The following HDAC7 variants were observed in gnomAD, a reference collection of about 807,000 sequenced individuals.
HDAC7 encodes the protein histone deacetylase 7.
In HDAC7, 26 loss-of-function variants were observed where a neutral mutation model predicts 115.5. The ratio of observed to expected loss-of-function variants is 0.23; its 90% CI spans 0.16 to 0.31. HDAC7 has a LOEUF of 0.31. Among genes scored for constraint, HDAC7 ranks in the 10% least tolerant of loss-of-function variants. The pLI is 1.00. For synonymous variants in HDAC7, 564 were observed against 550.9 expected (o/e 1.02, Z -0.33); for missense variants, 1,068 against 1,329.0 (o/e 0.80, Z 3.05).
At chr12:47,785,648 C>A in intron 23 of HDAC7, 104 bp downstream of exon 23, 1 of 1,444,278 alleles carries the variant, frequency 6.9e-7, no homozygotes, top group Non-Finnish European at 9.2e-7. Context: ...TCAGGCTTGG[C>A]CACTCCCACC....
chr12:47,819,817 C>T lies in HDAC7; in HGVS notation c.-32G>A, dbSNP rs1944972449. The T allele has an allele frequency of 1.1e-5, 2 of 177,124 alleles. No individual in the cohort carries two copies. The highest frequency in any genetic ancestry group is 2.0e-5 in the Non-Finnish European group (2 of 101,584). 11.0% of individuals were successfully genotyped at this position (177,124 alleles called of 1,614,324 possible). ...GCCGGGGCCCTCAGAGCGGGGGGCT[C>T]ATGGCGGGGCGGGGGGCTGGGGCGC... On this transcript the variant is annotated 5_prime_UTR_variant, in exon 1 of 26. It removes an upstream start codon present in the reference 5' UTR. Coordinates refer to ENST00000080059, the MANE Select transcript of HDAC7 (RefSeq NM_015401.5).
intron 2 of HDAC7, 69 bp downstream of exon 2, chr12:47,802,155 C>T (rs774312097): frequency 9.4e-6 from 14 of 1,495,250 alleles, no homozygotes; most frequent in African/African-American, 2.8e-5. Flanking sequence ...CAGCTTCTCG[C>T]GTTCTTACAG....
Position 47,797,159 on chromosome 12 carries a change from C to T in HDAC7, c.578-17G>A, listed in dbSNP as rs376415538. ...GCTCAGAGACTGCAGGGAGCACCAG[C>T]GTCACTCAGGCCCCCACCACCCTTC... On this transcript the variant is annotated splice_polypyrimidine_tract_variant and intron_variant, in intron 6 of 25. Coordinates refer to ENST00000080059, the MANE Select transcript of HDAC7 (RefSeq NM_015401.5). This position sits in a 1 kb window ranked among gnomAD's most constrained non-coding sequence, Gnocchi z 5.5. The T allele has an allele frequency of 3.2e-6, 5 of 1,576,318 alleles. No homozygotes were observed. The highest frequency in any genetic ancestry group is 2.2e-5 in the East Asian group (1 of 44,566).
At position 47,795,241 on chromosome 12, in the gene HDAC7, C is replaced by G; in HGVS notation, c.1227G>C (p.Pro409=). ...CCAGGCGGGGCTGCATGGGGCCCGG[C>G]GGTGGGGGAGCGGTGGCACTGGGGG... The part of the protein sequence containing the change: ...PLPPSATAPP[P]PGPMQPRLEQ... The change falls in exon 11 of 26, where the codon CCG becomes CCC. Residue 409 remains proline (P), a synonymous_variant. Transcript: ENST00000080059. The surrounding 1 kb of genome is among the most constrained non-coding windows in gnomAD (Gnocchi z 4.3). 5 of 1,612,338 alleles carry G rather than the reference C, an allele frequency of 3.1e-6. No homozygotes were observed. The highest frequency in any genetic ancestry group is 4.2e-6 in the Non-Finnish European group (5 of 1,179,080).
In HDAC7 at chr12:47,795,976, A is replaced by G; in HGVS notation, c.836T>C (p.Val279Ala). 6.5e-7 allele frequency: 1 copy of G among 1,550,014 alleles called. No homozygotes were observed. The highest frequency in any genetic ancestry group is 8.7e-7 in the Non-Finnish European group (1 of 1,147,274). ...CACTGTCGGCAAGGCGAACGGGGCC[A>G]CAGAAGTCTCCTGCAGCCGCAGCCG... ...GQRLRLQETSVAPFALPTVSL... is the reference protein window; with the variant it reads ...GQRLRLQETSAAPFALPTVSL... Residue 279 changes from valine to alanine, a missense_variant, in exon 9 of 26, where the codon GTG (valine) becomes GCG (alanine). Val to Ala is a moderately conservative substitution (Grantham distance 64, BLOSUM62 0). Around this residue, in one of 6 missense-constraint regions of HDAC7, gnomAD observed 618 missense variants for 701.5 expected, o/e 0.88. Transcript: ENST00000080059. This position sits in a 1 kb window ranked among gnomAD's most constrained non-coding sequence, Gnocchi z 4.3.
chr12:47,797,895 T>TGTGTGTGAGA lies in HDAC7; in HGVS notation c.461+212_461+213insTCTCACACAC, dbSNP rs35753431. Among the ~76,000 whole-genome samples, 982 of 143,428 alleles carry TGTGTGTGAGA rather than the reference T, an allele frequency of 6.8e-3. 9 individuals are homozygous for TGTGTGTGAGA. The highest frequency in any genetic ancestry group is 0.022 in the African/African-American group (819 of 36,482). 94.1% of individuals were successfully genotyped at this position (143,428 alleles called of 152,430 possible). ...GTGTGTGTGTGTGTGTGTGTGTGTG[T>TGTGTGTGAGA]GAGAAGGGCTCAGGTGGGGTGGGGA... On this transcript the variant is annotated intron_variant, in intron 5 of 25. Coordinates refer to ENST00000080059, the MANE Select transcript of HDAC7 (RefSeq NM_015401.5). The surrounding 1 kb of genome is among the most constrained non-coding windows in gnomAD (Gnocchi z 5.5).
At chr12:47,787,184 T>A (rs1408942695) in intron 21 of HDAC7, among the ~76,000 whole-genome samples, 1 of 151,968 alleles carries the variant, frequency 6.6e-6, no homozygotes, top group Non-Finnish European at 1.5e-5. Flanking sequence ...GACAACTAGG[T>A]CCTCTGAGGT....
chr12:47,789,700 C>A, intron 17 of HDAC7, 113 bp downstream of exon 17: 1 of 1,384,748 alleles, frequency 7.2e-7, no homozygotes, highest in Non-Finnish European at 1.0e-6. Flanking sequence ...CTCCAAAACC[C>A]TGTAGCAATC....
chr12:47,818,236 C>T (rs980927863), intron 1 of HDAC7, among the ~76,000 whole-genome samples: 1 of 152,122 alleles, frequency 6.6e-6, no homozygotes, highest in Non-Finnish European at 1.5e-5. Flanking sequence ...CAGGACCATT[C>T]CAGGTGCAAC....
rs750565739 is a variant in HDAC7 at position 47,787,695 on chromosome 12, G to GC, written c.2453+16dup. 6.3e-7 allele frequency: 1 copy of GC among 1,580,678 alleles called. No individual in the cohort carries two copies. Among genetic ancestry groups the GC allele is most frequent in the South Asian group, 1.1e-5 (1 of 87,616 alleles). On this transcript the variant is annotated intron_variant, in intron 21 of 25. Coordinates refer to ENST00000080059, the MANE Select transcript of HDAC7 (RefSeq NM_015401.5). The stretch of plus-strand genomic sequence containing the variant: ...GGAGAGGGTGGACTTGCCCCTCTGG[G>GC]CCCCCAGAGCACGTACCTGAAAGCA...
At chr12:47,796,804 G>A (rs1943874659) in intron 7 of HDAC7, among the ~76,000 whole-genome samples, 1 of 152,208 alleles carries the variant, frequency 6.6e-6, no homozygotes, top group South Asian at 2.1e-4. Flanking sequence ...TTTGAAGGGT[G>A]CCCCCTTTTC....
intron 12 of HDAC7, among the ~76,000 whole-genome samples, chr12:47,794,400 G>A (rs997139541): frequency 1.3e-5 from 2 of 152,234 alleles, no homozygotes; most frequent in Admixed American, 1.3e-4. Context: ...TGCTGGACAC[G>A]CTGGAGCCTG....
chr12:47,785,669 C>T (rs1424571112), intron 23 of HDAC7, 83 bp downstream of exon 23: 5 of 1,495,378 alleles, frequency 3.3e-6, no homozygotes, highest in African/African-American at 1.4e-5. Flanking sequence ...CTGTCCCATC[C>T]CATCTGCCTG....
In HDAC7 at chr12:47,793,751, C is replaced by T. The variant is rs1483689419; in HGVS notation, c.1459-163G>A. Among the ~76,000 whole-genome samples, 1 of 152,146 alleles carries T rather than the reference C, an allele frequency of 6.6e-6. No homozygotes were observed. Among genetic ancestry groups the T allele is most frequent in the Admixed American group, 6.5e-5 (1 of 15,274 alleles). On this transcript the variant is annotated intron_variant, in intron 12 of 25. Transcript: ENST00000080059. The surrounding 1 kb of genome is among the most constrained non-coding windows in gnomAD (Gnocchi z 4.5). ...GGGCTCTGGCCTTTGACTCTCTAAGCCCCCTGTCCCCTGCAGCCCCCTGAC... is the reference window on the plus strand; with the variant it reads ...GGGCTCTGGCCTTTGACTCTCTAAGTCCCCTGTCCCCTGCAGCCCCCTGAC...
intron 1 of HDAC7, among the ~76,000 whole-genome samples, chr12:47,808,287 G>A (rs776177220): frequency 6.6e-6 from 1 of 152,148 alleles, no homozygotes; most frequent in African/African-American, 2.4e-5. Flanking sequence ...ACAGCCCCAC[G>A]CAGCAGTGGC....
Position 47,795,234 on chromosome 12 carries a change from G to A in HDAC7, c.1234C>T (p.Pro412Ser), listed in dbSNP as rs912536864. The change falls in exon 11 of 26, where the codon CCC becomes TCC. Residue 412 changes from proline to serine, a missense_variant. Coordinates refer to ENST00000080059, the MANE Select transcript of HDAC7 (RefSeq NM_015401.5). This position sits in a 1 kb window ranked among gnomAD's most constrained non-coding sequence, Gnocchi z 4.3. ...AGCTGCTCCAGGCGGGGCTGCATGGGGCCCGGCGGTGGGGGAGCGGTGGCA... is the reference window on the plus strand; with the variant it reads ...AGCTGCTCCAGGCGGGGCTGCATGGAGCCCGGCGGTGGGGGAGCGGTGGCA... ...PSATAPPPPG[P>S]MQPRLEQLKT... 1.2e-6 allele frequency: 2 copies of A among 1,612,938 alleles called. No homozygotes were observed. Among genetic ancestry groups the A allele is most frequent in the South Asian group, 1.1e-5 (1 of 90,972 alleles).
chr12:47,804,399 C>T (rs566367198), intron 1 of HDAC7, among the ~76,000 whole-genome samples: 9 of 152,132 alleles, frequency 5.9e-5, no homozygotes, highest in Non-Finnish European at 1.3e-4. Context: ...ACTGGCACCC[C>T]GTCAGTAGCT....
In HDAC7 at chr12:47,785,536, C is replaced by G. The variant is rs775845620; in HGVS notation, c.2707-65G>C. The G allele has an allele frequency of 2.0e-6, 3 of 1,496,392 alleles. No homozygotes were observed. The South Asian group carries it at 3.7e-5, about 19-fold the overall frequency. 92.7% of individuals were successfully genotyped at this position (1,496,392 alleles called of 1,614,324 possible). A position where few individuals can be genotyped will look rare whatever the true frequency, so the allele number is the denominator to read the frequency against. ...CCCACAGGCCCAGCTCACTCCCACC[C>G]CAGGGGCCCCAGCCTTCTAGCCACA... On this transcript the variant is annotated intron_variant, in intron 23 of 25. Transcript: ENST00000080059.
chr12:47,812,873 C>T (rs1257646387), intron 1 of HDAC7: 1 of 152,224 alleles, frequency 6.6e-6, no homozygotes, highest in African/African-American at 2.4e-5. Context: ...TATTATCACA[C>T]GATGCCCCTG....
Sources: allele counts gnomAD v4.1 joint callset (sites outside exome capture counted in the v4.1 genomes callset), GRCh38; gene constraint gnomAD v4.1.1; regional missense constraint gnomAD v4.1.1; non-coding constraint Gnocchi (gnomAD v3.1); transcripts MANE v1.5; gene names NCBI Gene and HGNC (gene_info 2026-07-23, HGNC 2026-07-21).